The following NKAIN2 variants were observed in gnomAD, a reference collection of about 807,000 sequenced individuals.
NKAIN2 encodes sodium/potassium transporting ATPase interacting 2, also known as sodium/potassium-transporting ATPase subunit beta-1-interacting protein 2.
A neutral mutation model predicts 32.6 loss-of-function variants in NKAIN2; 14 were observed. The ratio of observed to expected loss-of-function variants is 0.43; its 90% CI spans 0.28 to 0.67. NKAIN2 has a LOEUF of 0.67. Ranked by LOEUF, NKAIN2 falls within the 30% of genes least tolerant of loss-of-function variation. The pLI is 0.17. For missense variants in NKAIN2, 198 were observed against 258.3 expected (o/e 0.77, Z 1.60); for synonymous variants, 80 against 87.2 (o/e 0.92, Z 0.46).
chr6:124,687,227 A>G (rs1365501200), intron 4 of NKAIN2, among the ~76,000 whole-genome samples: 2 of 145,778 alleles, frequency 1.4e-5, no homozygotes, highest in Admixed American at 6.9e-5. Context: ...TATGTGGAAT[A>G]TATATAGAGA....
chr6:123,855,141 T>C (rs996372248), intron 1 of NKAIN2, among the ~76,000 whole-genome samples: 28 of 152,204 alleles, frequency 1.8e-4, no homozygotes, highest in African/African-American at 6.3e-4. Flanking sequence ...TATATGAAAT[T>C]TGCATTGTTG....
At chr6:124,346,529 G>A (rs1384169389) in intron 2 of NKAIN2, among the ~76,000 whole-genome samples, 5 of 152,150 alleles carry the variant, frequency 3.3e-5, no homozygotes, top group Non-Finnish European at 4.4e-5. Flanking sequence ...TGTATTGGGT[G>A]CATATATATT....
chr6:124,313,065 A>T (rs11154208), intron 2 of NKAIN2, among the ~76,000 whole-genome samples: 26,123 of 152,106 alleles, frequency 0.17, 2,706 homozygotes, highest in Middle Eastern at 0.25. Context: ...AACCATGGGA[A>T]AAAAAACCAT....
intron 4 of NKAIN2, among the ~76,000 whole-genome samples, chr6:124,753,896 T>A (rs575224436): frequency 1.3e-5 from 2 of 152,182 alleles, no homozygotes; most frequent in Non-Finnish European, 2.9e-5. Context: ...GGATTAGAAG[T>A]CCTTTTGTTT....
chr6:124,558,822 G>A (rs1285936787), intron 3 of NKAIN2, among the ~76,000 whole-genome samples: 1 of 152,100 alleles, frequency 6.6e-6, no homozygotes, highest in Non-Finnish European at 1.5e-5. Flanking sequence ...GGTGGTGTGT[G>A]CCTGTAATCC....
At chr6:124,331,768 C>G (rs1402433028) in intron 2 of NKAIN2, among the ~76,000 whole-genome samples, 1 of 152,044 alleles carries the variant, frequency 6.6e-6, no homozygotes, top group East Asian at 1.9e-4. Flanking sequence ...AAATTCAATC[C>G]AAAACCATGA....
At chr6:123,984,197 G>A (rs1371909594) in intron 1 of NKAIN2, among the ~76,000 whole-genome samples, 5 of 152,070 alleles carry the variant, frequency 3.3e-5, no homozygotes, top group East Asian at 1.9e-4. Flanking sequence ...GTGAGTCACC[G>A]CGCCCGGCCA....
intron 3 of NKAIN2, among the ~76,000 whole-genome samples, chr6:124,517,726 T>A (rs1319588649): frequency 6.6e-6 from 1 of 152,210 alleles, no homozygotes; most frequent in Non-Finnish European, 1.5e-5. Flanking sequence ...ATATTACAAT[T>A]GATTCTGAGT....
chr6:124,333,533 G>T (rs1346794458), intron 2 of NKAIN2, among the ~76,000 whole-genome samples: 1 of 152,040 alleles, frequency 6.6e-6, no homozygotes, highest in Admixed American at 6.6e-5. Flanking sequence ...GGTGGTGGGT[G>T]CTGGTAATCC....
intron 1 of NKAIN2, among the ~76,000 whole-genome samples, chr6:123,928,908 G>C (rs1234021500): frequency 2.0e-5 from 3 of 152,114 alleles, no homozygotes; most frequent in Non-Finnish European, 2.9e-5. Context: ...TAATGCAATA[G>C]AATTCTGTAC....
chr6:124,124,316 T>G (rs1259885648), intron 1 of NKAIN2, among the ~76,000 whole-genome samples: 1 of 151,994 alleles, frequency 6.6e-6, no homozygotes, highest in East Asian at 1.9e-4. Flanking sequence ...ATAAATCACT[T>G]ATTTTTAATG....
chr6:124,045,226 C>A (rs2114819314), intron 1 of NKAIN2, among the ~76,000 whole-genome samples: 1 of 151,718 alleles, frequency 6.6e-6, no homozygotes, highest in East Asian at 1.9e-4. Flanking sequence ...ATATATGAAA[C>A]TACTGGTCTG....
At chr6:124,554,918 C>A (rs966131771) in intron 3 of NKAIN2, among the ~76,000 whole-genome samples, 1 of 152,178 alleles carries the variant, frequency 6.6e-6, no homozygotes, top group African/African-American at 2.4e-5. Flanking sequence ...AACCTGCTGG[C>A]ATCTGCTGCT....
intron 1 of NKAIN2, among the ~76,000 whole-genome samples, chr6:123,853,836 T>G (rs1582655263): frequency 6.6e-6 from 1 of 151,824 alleles, no homozygotes; most frequent in South Asian, 2.1e-4. Context: ...GCAGTGGCGC[T>G]ATCTCAGCTC....
At chr6:124,694,493 C>T (rs1774401860) in intron 4 of NKAIN2, among the ~76,000 whole-genome samples, 1 of 152,178 alleles carries the variant, frequency 6.6e-6, no homozygotes, top group African/African-American at 2.4e-5. Context: ...CCATTGAATC[C>T]ATTTATTGTT....
chr6:124,214,516 A>C (rs543973241), intron 1 of NKAIN2, among the ~76,000 whole-genome samples: 1 of 152,206 alleles, frequency 6.6e-6, no homozygotes, highest in Admixed American at 6.5e-5. Flanking sequence ...TGGGAAGCCA[A>C]GGAGGGCAGA....
chr6:123,826,282 G>T (rs1259603541), intron 1 of NKAIN2, among the ~76,000 whole-genome samples: 2 of 152,062 alleles, frequency 1.3e-5, no homozygotes, highest in Non-Finnish European at 2.9e-5. Context: ...AACGCCATGG[G>T]TTTTTTAGTT....
At chr6:124,773,877 CA>C (rs1343768014) in intron 4 of NKAIN2, among the ~76,000 whole-genome samples, 47 of 152,190 alleles carry the variant, frequency 3.1e-4, no homozygotes, top group African/African-American at 1.1e-3. Flanking sequence ...GAAAATATTG[CA>C]TGCCTAAAAG....
chr6:123,836,812 A>G (rs1774648472), intron 1 of NKAIN2, among the ~76,000 whole-genome samples: 1 of 152,176 alleles, frequency 6.6e-6, no homozygotes, highest in Non-Finnish European at 1.5e-5. Context: ...CAGGAACTCT[A>G]CTGTCTTTGC....
Sources: gnomAD v4.1 joint callset for allele counts (sites outside exome capture counted in the v4.1 genomes callset) on GRCh38, gnomAD v4.1.1 for gene constraint, MANE v1.5 for transcripts, NCBI Gene and HGNC (gene_info 2026-07-23, HGNC 2026-07-21) for gene names.